Variants in SEC14L5 observed in about 807,000 individuals in gnomAD.
The protein encoded by SEC14L5 is SEC14 like lipid binding 5, also known as SEC14-like protein 5.
In SEC14L5, 96 loss-of-function variants were observed where a neutral mutation model predicts 84.6. The ratio of observed to expected loss-of-function variants is 1.13; its 90% CI spans 0.96 to 1.34. The LOEUF (loss-of-function observed/expected upper bound fraction) is 1.34. Among genes scored for constraint, SEC14L5 ranks in the 40% most tolerant of loss-of-function variants. The pLI, the probability that SEC14L5 is intolerant of heterozygous loss-of-function variation, is 0.00. For synonymous variants in SEC14L5, 546 were observed against 383.4 expected (o/e 1.42, Z -4.95); for missense variants, 1,224 against 942.5 (o/e 1.30, Z -3.91).
Position 4,990,803 on chromosome 16 carries a change from C to T in SEC14L5, c.382C>T (p.Gln128Ter). ...GAATGAAGACTGGACTTGCTTCGAGCAGTCTGCCTCACTGGACATTCGGTC... is the reference window on the plus strand; with the variant it reads ...GAATGAAGACTGGACTTGCTTCGAGTAGTCTGCCTCACTGGACATTCGGTC... ...PENEDWTCFE[Q>*]SASLDIRSFF... Residue 128 changes from glutamine (Q) to a stop codon, truncating the protein, a stop_gained, in exon 5 of 16, where the codon CAG (glutamine) becomes TAG (stop). Coordinates refer to ENST00000251170, the MANE Select transcript of SEC14L5 (RefSeq NM_014692.2). LOFTEE classifies it high-confidence loss of function. 6.2e-7 allele frequency: 1 copy of T among 1,611,758 alleles called. No individual in the cohort carries two copies. The highest frequency in any genetic ancestry group is 8.5e-7 in the Non-Finnish European group (1 of 1,178,788).
chr16:4,971,781 T>G (rs1239692259), intron 2 of SEC14L5, among the ~76,000 whole-genome samples: 2 of 152,190 alleles, frequency 1.3e-5, no homozygotes, highest in Non-Finnish European at 2.9e-5. Flanking sequence ...ATTTTCCTAT[T>G]TTATTTCCCT....
intron 8 of SEC14L5, among the ~76,000 whole-genome samples, chr16:5,000,167 TG>T (rs1227959684): frequency 3.3e-5 from 5 of 149,366 alleles, no homozygotes; most frequent in Admixed American, 3.3e-4. Flanking sequence ...GGTGGGCGCC[TG>T]TAATCCCAGC....
intron 1 of SEC14L5, among the ~76,000 whole-genome samples, chr16:4,958,879 A>T (rs1274175202): frequency 6.6e-6 from 1 of 151,584 alleles, no homozygotes; most frequent in East Asian, 1.9e-4. Context: ...GTGCAAGGAG[A>T]CTCGGGGGTG....
chr16:4,996,498 G>A (rs112114297), intron 7 of SEC14L5, 38 bp downstream of exon 7: 1 of 1,083,276 alleles, frequency 9.2e-7, no homozygotes. Context: ...TGGATGAATG[G>A]GCAATGACTG....
At chr16:4,979,934 C>G (rs143986244) in intron 2 of SEC14L5, among the ~76,000 whole-genome samples, 2 of 152,230 alleles carry the variant, frequency 1.3e-5, no homozygotes, top group Non-Finnish European at 2.9e-5. Context: ...TTGCGAGTTA[C>G]AGGCCAGTGG....
At chr16:5,014,398 A>G (rs1955846160) in intron 15 of SEC14L5, among the ~76,000 whole-genome samples, 1 of 152,206 alleles carries the variant, frequency 6.6e-6, no homozygotes, top group Admixed American at 6.5e-5. Flanking sequence ...CAAGAAAAGA[A>G]AGTTCTCGAG....
chr16:5,012,168 G>T (rs943076015), intron 15 of SEC14L5, among the ~76,000 whole-genome samples: 1 of 152,156 alleles, frequency 6.6e-6, no homozygotes, highest in African/African-American at 2.4e-5. Context: ...GTTTGTCAGG[G>T]GGCTGGCGAT....
intron 15 of SEC14L5, among the ~76,000 whole-genome samples, chr16:5,013,762 T>C (rs768736915): frequency 6.6e-6 from 1 of 152,016 alleles, no homozygotes; most frequent in Non-Finnish European, 1.5e-5. Flanking sequence ...TTCGCCATGT[T>C]AGCCAGGCTG....
chr16:4,965,137 A>G lies in SEC14L5; in HGVS notation c.63+5751A>G, dbSNP rs574884116. Among the ~76,000 whole-genome samples, 5 of 152,330 alleles carry G rather than the reference A, an allele frequency of 3.3e-5. No homozygotes were observed. In the East Asian group the frequency reaches 7.7e-4, roughly 24 times the overall value. On this transcript the variant is annotated intron_variant, in intron 2 of 15. Coordinates refer to ENST00000251170, the MANE Select transcript of SEC14L5 (RefSeq NM_014692.2). Reference sequence around the variant, plus strand: ...TGAATGTGTCTGGTGATAAGAAGACACCTGAGGGTACAATATTTTTAAGGT... The same window carrying G: ...TGAATGTGTCTGGTGATAAGAAGACGCCTGAGGGTACAATATTTTTAAGGT...
intron 2 of SEC14L5, among the ~76,000 whole-genome samples, chr16:4,974,604 C>T (rs1229398825): frequency 6.6e-6 from 1 of 150,894 alleles, no homozygotes; most frequent in East Asian, 2.0e-4. Context: ...TGGGGTACAG[C>T]TTTTTTTTTT....
chr16:4,999,018 G>T (rs917299926), intron 8 of SEC14L5, among the ~76,000 whole-genome samples: 1 of 152,258 alleles, frequency 6.6e-6, no homozygotes, highest in East Asian at 1.9e-4. Context: ...TGAATGACGC[G>T]GCTCCTGCCT....
At chr16:4,988,410 A>T (rs1487048483) in intron 4 of SEC14L5, 130 bp downstream of exon 4, 1 of 1,111,320 alleles carries the variant, frequency 9.0e-7, no homozygotes, top group African/African-American at 1.6e-5. Flanking sequence ...ATTGTCAAGA[A>T]AGATGCAGGA....
intron 15 of SEC14L5, among the ~76,000 whole-genome samples, chr16:5,012,037 C>T (rs1006218091): frequency 2.6e-5 from 4 of 152,160 alleles, no homozygotes; most frequent in African/African-American, 9.7e-5. Flanking sequence ...AAAATTAAGG[C>T]TCAAGGAAGG....
intron 11 of SEC14L5, 45 bp from the exon 12 acceptor site, chr16:5,005,863 CAAAAAA>C: frequency 1.9e-5 from 23 of 1,231,272 alleles, no homozygotes; most frequent in Middle Eastern, 2.2e-4. Context: ...GACTCCGTCT[CAAAAAA>C]AAAAAAAAAA....
intron 4 of SEC14L5, 78 bp from the exon 5 acceptor site, chr16:4,990,689 G>C: frequency 7.0e-7 from 1 of 1,427,312 alleles, no homozygotes; most frequent in South Asian, 1.4e-5. Context: ...CCTGGGCCCA[G>C]GTCAGTGGGA....
intron 8 of SEC14L5, among the ~76,000 whole-genome samples, chr16:4,997,331 C>T (rs937315414): frequency 2.6e-5 from 4 of 152,244 alleles, no homozygotes; most frequent in Admixed American, 6.5e-5. Flanking sequence ...AATTCCTAAT[C>T]TCAAGTGATC....
chr16:4,985,482 C>T (rs1394951635), intron 2 of SEC14L5, among the ~76,000 whole-genome samples: 1 of 152,176 alleles, frequency 6.6e-6, no homozygotes. Flanking sequence ...CCCGCCTCAG[C>T]CCCCCAAGGT....
intron 6 of SEC14L5, among the ~76,000 whole-genome samples, chr16:4,995,977 G>A (rs1955604337): frequency 6.6e-6 from 1 of 152,156 alleles, no homozygotes; most frequent in African/African-American, 2.4e-5. Context: ...TCACAGGGGT[G>A]TGGAGAGAGC....
At chr16:5,002,411 C>T (rs545739080) in intron 10 of SEC14L5, among the ~76,000 whole-genome samples, 7 of 151,592 alleles carry the variant, frequency 4.6e-5, no homozygotes, top group African/African-American at 1.7e-4. Context: ...ATTCTCGTGC[C>T]TCAGCCTCCC....
Sources: gnomAD v4.1 joint callset for allele counts (sites outside exome capture counted in the v4.1 genomes callset) on GRCh38, gnomAD v4.1.1 for gene constraint, MANE v1.5 for transcripts, NCBI Gene and HGNC (gene_info 2026-07-23, HGNC 2026-07-21) for gene names.